Variants in PSME4 observed in about 807,000 individuals in gnomAD.
The protein encoded by PSME4 is proteasome activator complex subunit 4.
A neutral mutation model predicts 253.9 loss-of-function variants in PSME4; 89 were observed. The ratio of observed to expected loss-of-function variants is 0.35; its 90% CI spans 0.30 to 0.42. The LOEUF (loss-of-function observed/expected upper bound fraction) is 0.42. Ranked by LOEUF, PSME4 falls within the 10% of genes least tolerant of loss-of-function variation. The pLI, the probability that PSME4 is intolerant of heterozygous loss-of-function variation, is 1.00. For synonymous variants in PSME4, 851 were observed against 759.2 expected (o/e 1.12, Z -1.99); for missense variants, 2,014 against 2,195.2 (o/e 0.92, Z 1.65).
chr2:53,958,315 CGCTACACTCCAG>C (rs376570163), intron 1 of PSME4, among the ~76,000 whole-genome samples: 27 of 151,506 alleles, frequency 1.8e-4, no homozygotes, highest in African/African-American at 6.1e-4. Context: ...GAGATAGCAC[CGCTACACTCCAG>C]GCTGGGCCAC....
At position 53,865,513 on chromosome 2, in the gene PSME4, C is replaced by A. The variant is rs1483821566; in HGVS notation, c.*65G>T. The A allele has an allele frequency of 2.0e-5, 3 of 152,228 alleles. No individual in the cohort carries two copies. Among genetic ancestry groups the A allele is most frequent in the Non-Finnish European group, 2.9e-5 (2 of 68,072 alleles). The allele number at this position is 152,228 out of a possible 1,614,324, so 9.4% of individuals were successfully genotyped here. ...TTTTAAAACTTGCAGAGAGCCACCACAGATGGTACCTGAGGGTGTGGAATT... is the reference window on the plus strand; with the variant it reads ...TTTTAAAACTTGCAGAGAGCCACCAAAGATGGTACCTGAGGGTGTGGAATT... On this transcript the variant is annotated 3_prime_UTR_variant, in exon 47 of 47. Coordinates refer to ENST00000404125, the MANE Select transcript of PSME4 (RefSeq NM_014614.3).
intron 1 of PSME4, among the ~76,000 whole-genome samples, chr2:53,967,449 C>G (rs10194987): frequency 6.6e-6 from 1 of 151,624 alleles, no homozygotes; most frequent in African/African-American, 2.4e-5. Context: ...CGAGACCAGC[C>G]TTGCCAAAAT....
Position 53,952,491 on chromosome 2 carries a change from C to T in PSME4, c.243-3208G>A, listed in dbSNP as rs116200990. Among the ~76,000 whole-genome samples the T allele has an allele frequency of 7.9e-3, 1,209 of 152,162 alleles. 11 individuals are homozygous for T. Among genetic ancestry groups the T allele is most frequent in the African/African-American group, 0.028 (1,149 of 41,502 alleles). On this transcript the variant is annotated intron_variant, in intron 1 of 46. Coordinates refer to ENST00000404125, the MANE Select transcript of PSME4 (RefSeq NM_014614.3). ...TGGGAGGCGGAGGTTGCAGCTGAGC[C>T]GAGATGGTGCTAGAGTTCTCCAGCC...
chr2:53,965,146 G>C (rs1448712920), intron 1 of PSME4, among the ~76,000 whole-genome samples: 1 of 151,944 alleles, frequency 6.6e-6, no homozygotes, highest in Non-Finnish European at 1.5e-5. Flanking sequence ...TAAGTTGTAG[G>C]AAACAGTAAT....
At chr2:53,966,318 T>G (rs1333447327) in intron 1 of PSME4, among the ~76,000 whole-genome samples, 1 of 152,062 alleles carries the variant, frequency 6.6e-6, no homozygotes. Flanking sequence ...AACACTCCAC[T>G]ACTTAATTTA....
At chr2:53,917,639 A>G (rs945166136) in intron 20 of PSME4, among the ~76,000 whole-genome samples, 2 of 152,202 alleles carry the variant, frequency 1.3e-5, no homozygotes, top group African/African-American at 4.8e-5. Context: ...ATTGGATTAA[A>G]TGACCACAAT....
intron 10 of PSME4, among the ~76,000 whole-genome samples, chr2:53,929,320 G>A (rs1284637562): frequency 6.6e-6 from 1 of 151,990 alleles, no homozygotes; most frequent in Non-Finnish European, 1.5e-5. Context: ...TGGAGTCAGG[G>A]TTTTACTCTG....
chr2:53,927,972 A>C (rs1325129403), intron 11 of PSME4, 145 bp downstream of exon 11: 2 of 622,818 alleles, frequency 3.2e-6, no homozygotes, highest in East Asian at 2.8e-5. Context: ...TAAATAAACA[A>C]CTGTTACTTT....
chr2:53,869,659 T>C, intron 43 of PSME4, 121 bp from the exon 44 acceptor site: 1 of 736,644 alleles, frequency 1.4e-6, no homozygotes, highest in South Asian at 4.1e-5. Flanking sequence ...AAATTTTGTG[T>C]ATGCTCTTTG....
intron 20 of PSME4, among the ~76,000 whole-genome samples, chr2:53,912,032 A>T (rs955457202): frequency 3.3e-5 from 5 of 152,226 alleles, no homozygotes; most frequent in African/African-American, 9.6e-5. Flanking sequence ...AATATTAAGT[A>T]ATGTATTTAA....
At chr2:53,937,129 T>C (rs367888281) in intron 5 of PSME4, among the ~76,000 whole-genome samples, 234 of 152,328 alleles carry the variant, frequency 1.5e-3, no homozygotes, top group African/African-American at 4.8e-3. Context: ...CTTCTCCTTT[T>C]ATCTGTTTTC....
chr2:53,952,278 C>T (rs1341398321), intron 1 of PSME4, among the ~76,000 whole-genome samples: 1 of 152,090 alleles, frequency 6.6e-6, no homozygotes, highest in East Asian at 1.9e-4. Flanking sequence ...GTCTCTACTA[C>T]ACACCTGTAA....
At chr2:53,960,971 G>A (rs930515889) in intron 1 of PSME4, among the ~76,000 whole-genome samples, 1 of 152,160 alleles carries the variant, frequency 6.6e-6, no homozygotes, top group Admixed American at 6.5e-5. Flanking sequence ...GCTGGGCATG[G>A]TGGCGCATGC....
chr2:53,944,725 C>T (rs1669623365), intron 3 of PSME4, among the ~76,000 whole-genome samples: 1 of 151,956 alleles, frequency 6.6e-6, no homozygotes, highest in South Asian at 2.1e-4. Flanking sequence ...GCCAAGAAAC[C>T]CCAAACAGAG....
At chr2:53,941,128 G>A (rs2104469357) in intron 3 of PSME4, among the ~76,000 whole-genome samples, 1 of 144,618 alleles carries the variant, frequency 6.9e-6, no homozygotes, top group South Asian at 2.2e-4. Flanking sequence ...GAAATTCCAA[G>A]GAATAACAGA....
At chr2:53,951,636 G>A (rs986853320) in intron 1 of PSME4, among the ~76,000 whole-genome samples, 2 of 152,092 alleles carry the variant, frequency 1.3e-5, no homozygotes, top group Non-Finnish European at 2.9e-5. Context: ...CCTTTAATCC[G>A]AAAATCCGAA....
intron 1 of PSME4, among the ~76,000 whole-genome samples, chr2:53,958,432 C>T (rs572880590): frequency 1.3e-5 from 2 of 152,110 alleles, no homozygotes; most frequent in South Asian, 4.1e-4. Flanking sequence ...ATTTTTAACA[C>T]ATAGACATCA....
intron 43 of PSME4, 111 bp downstream of exon 43, chr2:53,874,228 G>A: frequency 1.8e-6 from 2 of 1,091,382 alleles, no homozygotes; most frequent in Non-Finnish European, 1.3e-6. Context: ...TCAAAGAGTT[G>A]AGGTTATAAA....
At chr2:53,887,654 C>G (rs1429109571) in intron 39 of PSME4, among the ~76,000 whole-genome samples, 187 bp from the exon 40 acceptor site, 1 of 152,156 alleles carries the variant, frequency 6.6e-6, no homozygotes, top group Non-Finnish European at 1.5e-5. Flanking sequence ...TGTGACTGCT[C>G]ATCTCTGGCT....
Sources: allele counts gnomAD v4.1 joint callset (sites outside exome capture counted in the v4.1 genomes callset), GRCh38; gene constraint gnomAD v4.1.1; transcripts MANE v1.5; gene names NCBI Gene and HGNC (gene_info 2026-07-23, HGNC 2026-07-21).